The following CMIP variants were observed in gnomAD, a reference collection of about 807,000 sequenced individuals.
CMIP encodes c-Maf inducing protein, also known as C-Maf-inducing protein.
Under a neutral mutation model 97.3 loss-of-function variants are expected in CMIP, and 13 were observed. The ratio of observed to expected loss-of-function variants is 0.13; its 90% CI spans 0.09 to 0.21. CMIP has a LOEUF of 0.21. CMIP is among the 10% of genes least tolerant of loss of function. The pLI, the probability that CMIP is intolerant of heterozygous loss-of-function variation, is 1.00. For missense variants in CMIP, 847 were observed against 1,024.9 expected, an observed-to-expected ratio of 0.83 and a Z score of 2.37; for synonymous variants, 538 against 436.3, an observed-to-expected ratio of 1.23 and a Z score of -2.91.
At chr16:81,634,789 A>C (rs1252838235) in intron 3 of CMIP, among the ~76,000 whole-genome samples, 1 of 152,230 alleles carries the variant, frequency 6.6e-6, no homozygotes, top group Admixed American at 6.5e-5. Context: ...ACTCCCACCC[A>C]GAGGATGCAG....
At chr16:81,696,773 TC>T in intron 14 of CMIP, 106 bp downstream of exon 14, 1 of 1,064,602 alleles carries the variant, frequency 9.4e-7, no homozygotes, top group Non-Finnish European at 1.3e-6. Context: ...CCCCGGAGTT[TC>T]CCGGCTAACA....
intron 3 of CMIP, among the ~76,000 whole-genome samples, chr16:81,651,725 C>T (rs543820060): frequency 6.6e-6 from 1 of 152,100 alleles, no homozygotes; most frequent in South Asian, 2.1e-4. Context: ...AGAGAAGTCT[C>T]CCCCTTTTCT....
chr16:81,677,519 GAAGCAGTCAGAGGAGGGGCTTT>G (rs1241172637), intron 9 of CMIP, among the ~76,000 whole-genome samples: 1 of 152,198 alleles, frequency 6.6e-6, no homozygotes. Context: ...GGCACGTTGG[GAAGCAGTCAGAGGAGGGGCTTT>G]AACCAGGTCA....
rs1017299483 is a variant in CMIP at position 81,652,064 on chromosome 16, T to C, written c.478-139T>C. 63 of 655,846 alleles carry C rather than the reference T, an allele frequency of 9.6e-5. 1 individual carries two copies. Among genetic ancestry groups the C allele is most frequent in the Non-Finnish European group, 1.5e-4 (57 of 386,126 alleles). The allele number at this position is 655,846 out of a possible 1,614,324, so 40.6% of individuals were successfully genotyped here. On this transcript the variant is annotated intron_variant, in intron 3 of 20. Transcript: ENST00000537098. The surrounding 1 kb of genome is among the most constrained non-coding windows in gnomAD (Gnocchi z 5.2). Reference sequence around the variant, plus strand: ...TTCCTCTCTCGGGGTGTCAGTTTCCTTATAAACGGGGACTGGGCCAAGTTG... The same window carrying C: ...TTCCTCTCTCGGGGTGTCAGTTTCCCTATAAACGGGGACTGGGCCAAGTTG...
At chr16:81,665,196 G>A (rs2151026741) in intron 7 of CMIP, 1 of 152,170 alleles carries the variant, frequency 6.6e-6, no homozygotes, top group East Asian at 1.9e-4. Context: ...TAGAGCGGGT[G>A]GGGCGCTTGT....
At chr16:81,571,638 C>T (rs1046755508) in intron 1 of CMIP, among the ~76,000 whole-genome samples, 4 of 151,168 alleles carry the variant, frequency 2.6e-5, no homozygotes, top group African/African-American at 9.8e-5. Flanking sequence ...AAAAAAAGGC[C>T]TTCCAAAGAG....
intron 1 of CMIP, among the ~76,000 whole-genome samples, chr16:81,522,403 G>C (rs2090045965): frequency 6.6e-6 from 1 of 152,228 alleles, no homozygotes; most frequent in African/African-American, 2.4e-5. Flanking sequence ...CTTCTCACTT[G>C]AAGTAGCCAG....
At chr16:81,510,874 C>G (rs1342326842) in intron 1 of CMIP, among the ~76,000 whole-genome samples, 5 of 152,130 alleles carry the variant, frequency 3.3e-5, no homozygotes, top group Admixed American at 3.3e-4. Flanking sequence ...TGCATGCCAC[C>G]TTGCCCACCT....
In CMIP at chr16:81,607,621, C is replaced by T. The variant is rs114894868; in HGVS notation, c.355C>T (p.Leu119=). Residue 119 remains leucine, a synonymous_variant, in exon 2 of 21, where the codon CTG becomes TTG. Coordinates refer to ENST00000537098, the MANE Select transcript of CMIP (RefSeq NM_198390.3). The part of the protein sequence containing the change: ...VSYSAIEDVQ[L]LSWENAPKYC... Reference sequence around the variant, plus strand: ...CTACAGCGCAATTGAAGACGTTCAGCTGCTGTCCTGGGAGAATGCCCCGAA... The same window carrying T: ...CTACAGCGCAATTGAAGACGTTCAGTTGCTGTCCTGGGAGAATGCCCCGAA... The T allele has an allele frequency of 2.1e-4, 336 of 1,614,006 alleles. No homozygotes were observed. In the African/African-American group the frequency reaches 3.7e-3, roughly 18 times the overall value.
At chr16:81,682,154 C>T (rs1316728470) in intron 10 of CMIP, among the ~76,000 whole-genome samples, 2 of 150,422 alleles carry the variant, frequency 1.3e-5, no homozygotes, top group East Asian at 2.0e-4. Flanking sequence ...CAGTGATCCA[C>T]GATTGCACTG....
rs1389123914 is a variant in CMIP, at chr16:81,691,773, A to G, written c.1389-2A>G. ...GCTGACTGTCACCCTCTCTCATTCT[A>G]GGTCAGACTATGATGACTGGAGACC... On this transcript the variant is annotated splice_acceptor_variant, in intron 10 of 20. Coordinates refer to ENST00000537098, the MANE Select transcript of CMIP (RefSeq NM_198390.3). LOFTEE classifies it high-confidence loss of function. The G allele has an allele frequency of 6.2e-7, 1 of 1,613,302 alleles. No individual in the cohort carries two copies. Among genetic ancestry groups the G allele is most frequent in the South Asian group, 1.1e-5 (1 of 90,990 alleles).
chr16:81,505,745 C>T (rs1279714868), intron 1 of CMIP, among the ~76,000 whole-genome samples: 2 of 152,142 alleles, frequency 1.3e-5, no homozygotes, highest in African/African-American at 4.8e-5. Flanking sequence ...AATCCCAGCA[C>T]TTTGGGAGGC....
intron 1 of CMIP, among the ~76,000 whole-genome samples, chr16:81,530,320 C>T (rs1028527911): frequency 1.3e-5 from 2 of 152,162 alleles, no homozygotes; most frequent in Admixed American, 1.3e-4. Context: ...AATAAAATCC[C>T]AGTAAAGGTG....
chr16:81,649,735 A>T (rs1044692601), intron 3 of CMIP, among the ~76,000 whole-genome samples: 2 of 152,212 alleles, frequency 1.3e-5, no homozygotes, highest in Admixed American at 1.3e-4. Flanking sequence ...GTCCACTTAG[A>T]GCCCAGACTC....
chr16:81,451,837 C>T (rs986301926), intron 1 of CMIP, among the ~76,000 whole-genome samples: 1 of 152,202 alleles, frequency 6.6e-6, no homozygotes, highest in African/African-American at 2.4e-5. Flanking sequence ...GGAAGCCAGG[C>T]CACCCAGCCC....
chr16:81,448,769 G>A (rs1906025371), intron 1 of CMIP, among the ~76,000 whole-genome samples: 1 of 152,288 alleles, frequency 6.6e-6, no homozygotes, highest in African/African-American at 2.4e-5. Flanking sequence ...GCTGACTTGG[G>A]AGGGGAGATA....
intron 1 of CMIP, among the ~76,000 whole-genome samples, chr16:81,473,162 A>G (rs573574804): frequency 6.6e-6 from 1 of 152,282 alleles, no homozygotes; most frequent in Admixed American, 6.5e-5. Flanking sequence ...CTCCTGCTGC[A>G]CTGGTGGCCA....
intron 1 of CMIP, among the ~76,000 whole-genome samples, chr16:81,560,015 G>T (rs147545382): frequency 1.0e-3 from 155 of 151,852 alleles, no homozygotes; most frequent in African/African-American, 3.5e-3. Flanking sequence ...GGGCATAGTG[G>T]TGTGCACCTG....
chr16:81,597,290 T>C (rs952257040), intron 1 of CMIP, among the ~76,000 whole-genome samples: 12 of 152,232 alleles, frequency 7.9e-5, no homozygotes, highest in African/African-American at 2.7e-4. Flanking sequence ...TTATCATTTT[T>C]CATCTTTTCC....
Sources: gnomAD v4.1 joint callset for allele counts (sites outside exome capture counted in the v4.1 genomes callset) on GRCh38, gnomAD v4.1.1 for gene constraint, Gnocchi (gnomAD v3.1) non-coding constraint, MANE v1.5 for transcripts, NCBI Gene and HGNC (gene_info 2026-07-23, HGNC 2026-07-21) for gene names.